MINDY4B: variants seen among roughly 807,000 people sequenced by gnomAD.
MINDY4B encodes inactive ubiquitin carboxyl-terminal hydrolase MINDY-4B.
MINDY4B carries 25 observed loss-of-function variants against 16.7 expected under a neutral mutation model. The ratio of observed to expected loss-of-function variants is 1.49; its 90% CI spans 1.09 to 2.09. MINDY4B has a LOEUF of 2.09. Ranked by LOEUF, MINDY4B falls within the 30% of genes most tolerant of loss-of-function variation. The pLI, the probability that MINDY4B is intolerant of heterozygous loss-of-function variation, is 0.00. For missense variants in MINDY4B, 327 were observed against 168.4 expected (o/e 1.94, Z -5.21); for synonymous variants, 132 against 61.9 (o/e 2.13, Z -5.32).
At chr3:150,885,828 G>A (rs542689704) in intron 7 of MINDY4B, among the ~76,000 whole-genome samples, 5 of 152,250 alleles carry the variant, frequency 3.3e-5, no homozygotes, top group South Asian at 4.1e-4. Flanking sequence ...GTTAAACTGA[G>A]GGAGATCAGA....
chr3:150,905,203 G>A, intron 1 of MINDY4B, 114 bp from the exon 2 acceptor site: 1 of 398,292 alleles, frequency 2.5e-6, no homozygotes. Flanking sequence ...GAATAGTTAT[G>A]CCTGAAGCAT....
At chr3:150,881,229 C>G (rs1711518978) in intron 10 of MINDY4B, among the ~76,000 whole-genome samples, 1 of 151,636 alleles carries the variant, frequency 6.6e-6, no homozygotes, top group African/African-American at 2.4e-5. Context: ...ACTAAAAATA[C>G]AAAAATTAGC....
chr3:150,899,853 C>G (rs796188971), intron 3 of MINDY4B, among the ~76,000 whole-genome samples: 41 of 152,328 alleles, frequency 2.7e-4, no homozygotes, highest in African/African-American at 9.9e-4. Context: ...TGGGGGGACA[C>G]CCGGCTGTGC....
At chr3:150,884,083 A>C (rs1711567738) in intron 8 of MINDY4B, among the ~76,000 whole-genome samples, 1 of 152,220 alleles carries the variant, frequency 6.6e-6, no homozygotes, top group East Asian at 1.9e-4. Flanking sequence ...GTGACAAGGA[A>C]TGCACTTGGC....
Position 150,871,068 on chromosome 3 carries a change from T to C in MINDY4B, c.1360A>G (p.Asn454Asp). Residue 454 changes from asparagine (N) to aspartate (D), a missense_variant, in exon 12 of 12, where the codon AAT (asparagine) becomes GAT (aspartate). Transcript: ENST00000465419. The part of the protein sequence containing the change: ...TKWSEATINW[N>D]GTVPFF ...CTTTAGAAGAAGGGAACGGTCCCAT[T>C]CCAGTTGATGGTGGCCTCGCTCCAC... 1.4e-6 allele frequency: 1 copy of C among 702,916 alleles called. No individual in the cohort carries two copies. The highest frequency in any genetic ancestry group is 2.6e-6 in the Non-Finnish European group (1 of 384,860). 43.5% of individuals were successfully genotyped at this position (702,916 alleles called of 1,614,324 possible).
Position 150,882,919 on chromosome 3 carries a change from G to T in MINDY4B, c.1037C>A (p.Ser346Ter). The T allele has an allele frequency of 1.4e-6, 1 of 702,492 alleles. No individual in the cohort carries two copies. 43.5% of individuals were successfully genotyped at this position (702,492 alleles called of 1,614,324 possible). A position where few individuals can be genotyped will look rare whatever the true frequency, so the allele number is the denominator to read the frequency against. ...CACCTGTGAGAGTCTGTCATCTTCC[G>T]AGGCATCCTTACCCCACTGCAAATA... ...VGYLQWGKDA[S>*]EDDRLSQVGS... Residue 346 changes from serine to a stop codon, truncating the protein, a stop_gained, in exon 10 of 12, where the codon TCG (serine) becomes TAG (stop). Coordinates refer to ENST00000465419, the MANE Select transcript of MINDY4B (RefSeq NM_001351281.2). LOFTEE classifies it high-confidence loss of function.
intron 10 of MINDY4B, among the ~76,000 whole-genome samples, chr3:150,879,454 A>G (rs554676303): frequency 1.3e-5 from 2 of 152,282 alleles, no homozygotes; most frequent in African/African-American, 4.8e-5. Flanking sequence ...TCAGTGCTGC[A>G]GAGGTTGAGA....
At chr3:150,884,566 C>T (rs563692687) in intron 8 of MINDY4B, among the ~76,000 whole-genome samples, 175 of 152,222 alleles carry the variant, frequency 1.1e-3, no homozygotes, top group African/African-American at 3.9e-3. Flanking sequence ...AGGACATTAA[C>T]GTTTAGGAAG....
At chr3:150,883,186 G>A (rs184861475) in intron 9 of MINDY4B, 128 bp from the exon 10 acceptor site, 50 of 562,324 alleles carry the variant, frequency 8.9e-5, no homozygotes, top group African/African-American at 6.1e-4. Flanking sequence ...ACATATTTCA[G>A]GAAAAATATG....
At chr3:150,904,450 A>G (rs1009455204) in intron 2 of MINDY4B, among the ~76,000 whole-genome samples, 3 of 152,186 alleles carry the variant, frequency 2.0e-5, no homozygotes, top group Non-Finnish European at 4.4e-5. Context: ...TAATGATTCA[A>G]TTGCTTGATC....
rs145647415 is a variant in MINDY4B at position 150,876,535 on chromosome 3, C to A, written c.1060-3168G>T. Among the ~76,000 whole-genome samples the A allele has an allele frequency of 7.4e-4, 113 of 152,314 alleles. 1 individual carries two copies. The East Asian group carries it at 0.02, about 28-fold the overall frequency. ...AATACATACTTGATGTAACTTTTCTCACTGAGTTTGCAGGTATGTTGTAAA... is the reference window on the plus strand; with the variant it reads ...AATACATACTTGATGTAACTTTTCTAACTGAGTTTGCAGGTATGTTGTAAA... On this transcript the variant is annotated intron_variant, in intron 10 of 11. Coordinates refer to ENST00000465419, the MANE Select transcript of MINDY4B (RefSeq NM_001351281.2).
chr3:150,875,778 A>C (rs528933847), intron 10 of MINDY4B, among the ~76,000 whole-genome samples: 20 of 152,322 alleles, frequency 1.3e-4, no homozygotes, highest in Non-Finnish European at 2.1e-4. Flanking sequence ...AATGTCATGC[A>C]TGACTGTTGC....
rs549399792 is a variant in MINDY4B at position 150,894,123 on chromosome 3, G to A, written c.429+63C>T. 5.2e-5 allele frequency: 32 copies of A among 612,882 alleles called. 1 individual carries two copies. The South Asian group carries it at 5.4e-4, about 10-fold the overall frequency. 38.0% of individuals were successfully genotyped at this position (612,882 alleles called of 1,614,324 possible). A position where few individuals can be genotyped will look rare whatever the true frequency, so the allele number is the denominator to read the frequency against. The stretch of plus-strand genomic sequence containing the variant: ...CATGCATTTACATGGATGTGGACAG[G>A]AAGGATATATGGATAAGGAACATGG... On this transcript the variant is annotated intron_variant, in intron 4 of 11. Coordinates refer to ENST00000465419, the MANE Select transcript of MINDY4B (RefSeq NM_001351281.2).
chr3:150,895,757 A>T (rs529198249), intron 3 of MINDY4B, among the ~76,000 whole-genome samples: 1 of 152,052 alleles, frequency 6.6e-6, no homozygotes, highest in African/African-American at 2.4e-5. Flanking sequence ...GAGCCACCAC[A>T]CCTGGCCTTG....
chr3:150,886,226 C>T (rs1181064661), intron 7 of MINDY4B, among the ~76,000 whole-genome samples: 2 of 152,212 alleles, frequency 1.3e-5, no homozygotes, highest in African/African-American at 4.8e-5. Context: ...TACTTGCTGA[C>T]AAGTAGAATA....
intron 7 of MINDY4B, among the ~76,000 whole-genome samples, chr3:150,885,725 C>G (rs952168136): frequency 1.3e-5 from 2 of 152,140 alleles, no homozygotes; most frequent in Non-Finnish European, 2.9e-5. Context: ...GTAGTATGTC[C>G]TTTCTAGCCC....
At chr3:150,886,590 G>A (rs1464500464) in intron 7 of MINDY4B, among the ~76,000 whole-genome samples, 6 of 152,210 alleles carry the variant, frequency 3.9e-5, no homozygotes. Flanking sequence ...TCCAATATGG[G>A]TCTCACTGTG....
intron 3 of MINDY4B, among the ~76,000 whole-genome samples, chr3:150,901,932 A>G (rs1277380837): frequency 6.6e-5 from 10 of 151,906 alleles, no homozygotes; most frequent in Non-Finnish European, 1.5e-4. Context: ...GAGGTTTTGT[A>G]TGATAAAAAC....
chr3:150,904,768 T>G (rs541484215), intron 2 of MINDY4B, among the ~76,000 whole-genome samples: 1 of 152,282 alleles, frequency 6.6e-6, no homozygotes, highest in Non-Finnish European at 1.5e-5. Flanking sequence ...CAGAATCCAG[T>G]GTTATTTCAC....
Sources: gnomAD v4.1 joint callset for allele counts (sites outside exome capture counted in the v4.1 genomes callset) on GRCh38, gnomAD v4.1.1 for gene constraint, MANE v1.5 for transcripts, NCBI Gene and HGNC (gene_info 2026-07-23, HGNC 2026-07-21) for gene names.